C12orf50: variants seen among roughly 807,000 people sequenced by gnomAD.
C12orf50 encodes uncharacterized protein C12orf50.
Under a neutral mutation model 61.6 loss-of-function variants are expected in C12orf50, and 35 were observed. The observed-to-expected ratio is 0.57, with a 90% CI of 0.43 to 0.75. C12orf50 has a LOEUF of 0.75. C12orf50 is among the 30% of genes least tolerant of loss of function. The pLI, the probability that C12orf50 is intolerant of heterozygous loss-of-function variation, is 0.00. For missense variants in C12orf50, 475 were observed against 488.5 expected (o/e 0.97, Z 0.26); for synonymous variants, 178 against 161.5 (o/e 1.10, Z -0.77).
At chr12:88,007,843 T>C (rs2031944145) in intron 3 of C12orf50, among the ~76,000 whole-genome samples, 1 of 152,136 alleles carries the variant, frequency 6.6e-6, no homozygotes, top group South Asian at 2.1e-4. Context: ...TTTTAATAAA[T>C]TAAATGCCAG....
rs1195936712 is a variant in C12orf50 at position 87,986,416 on chromosome 12, A to C, written c.818T>G (p.Met273Arg). The C allele has an allele frequency of 1.3e-6, 2 of 1,591,816 alleles. No homozygotes were observed. Among genetic ancestry groups the C allele is most frequent in the South Asian group, 1.1e-5 (1 of 86,974 alleles). The change falls in exon 10 of 13, where the codon ATG becomes AGG. Residue 273 changes from methionine (M) to arginine (R), a missense_variant and splice_region_variant. Transcript: ENST00000298699. Reference protein sequence around the residue: ...SMKCREDPSSMNDVQPVKKPH... With the variant: ...SMKCREDPSSRNDVQPVKKPH... ...CTTCTTCACTGGCTGGACATCATTC[A>C]CTTAGAAAAGATACAAATTTTACAA...
At chr12:88,016,256 G>T (rs2032307338) in intron 3 of C12orf50, among the ~76,000 whole-genome samples, 1 of 152,288 alleles carries the variant, frequency 6.6e-6, no homozygotes, top group East Asian at 1.9e-4. Context: ...GTTACAGTTT[G>T]CTATGAAATG....
chr12:88,028,948 A>T, intron 1 of C12orf50: 1 of 381,166 alleles, frequency 2.6e-6, no homozygotes, highest in South Asian at 3.2e-5. Context: ...TTACAAATAT[A>T]AGATATCTTG....
At chr12:88,029,798 A>C (rs1347092647), upstream of C12orf50, among the ~76,000 whole-genome samples, 1 of 152,148 alleles carries the variant, frequency 6.6e-6, no homozygotes. Context: ...CTATCCATTG[A>C]TTTGGGAAAA....
At chr12:87,986,198 C>T (rs2136404597) in intron 10 of C12orf50, 114 bp downstream of exon 10, 3 of 1,225,684 alleles carry the variant, frequency 2.4e-6, no homozygotes, top group Non-Finnish European at 3.4e-6. Flanking sequence ...GAGTTGACCC[C>T]TAAAGTAACA....
In C12orf50 at chr12:87,994,716, A is replaced by G; in HGVS notation, c.509T>C (p.Leu170Pro). 6.2e-7 allele frequency: 1 copy of G among 1,612,922 alleles called. No individual in the cohort carries two copies. Among genetic ancestry groups the G allele is most frequent in the Non-Finnish European group, 8.5e-7 (1 of 1,179,212 alleles). ...TTCACCTTGCCTTTCATATTGGCTAAGTTTTGTCGGAACTGTAAGACTATC... is the reference window on the plus strand; with the variant it reads ...TTCACCTTGCCTTTCATATTGGCTAGGTTTTGTCGGAACTGTAAGACTATC... The part of the protein sequence containing the change: ...EGDSLTVPTK[L>P]SQYERQGEIK... The change falls in exon 7 of 13, where the codon CTT (leucine) becomes CCT (proline). Residue 170 changes from leucine (L) to proline (P), a missense_variant. By Grantham distance (98) the Leu-to-Pro change is moderately conservative. Transcript: ENST00000298699.
rs973223279 is a variant in C12orf50, at chr12:87,986,051, C to G, written c.925G>C (p.Val309Leu). The G allele has an allele frequency of 1.2e-6, 2 of 1,613,326 alleles. No individual in the cohort carries two copies. Among genetic ancestry groups the G allele is most frequent in the African/African-American group, 2.7e-5 (2 of 74,842 alleles). Residue 309 changes from valine (V) to leucine (L), a missense_variant and splice_region_variant, in exon 11 of 13, where the codon GTA becomes CTA. By Grantham distance (32) the Val-to-Leu change is conservative. Transcript: ENST00000298699. ...NFPNSGMQRA[V>L]QAPRPQNKMS... Reference sequence around the variant, plus strand: ...TTATTTTGGGGTCTTGGGGCCTGTACTGCTGTAAAGAAAGGTGGGAGGGAG... The same window carrying G: ...TTATTTTGGGGTCTTGGGGCCTGTAGTGCTGTAAAGAAAGGTGGGAGGGAG...
chr12:87,989,209 C>T (rs1056337537), intron 8 of C12orf50, 55 bp downstream of exon 8: 4 of 1,277,722 alleles, frequency 3.1e-6, no homozygotes, highest in Admixed American at 4.0e-5. Context: ...GCAAGCTTGT[C>T]TTTAACTTGC....
chr12:88,010,261 T>G (rs1029083438), intron 3 of C12orf50, among the ~76,000 whole-genome samples: 7 of 151,894 alleles, frequency 4.6e-5, no homozygotes, highest in Admixed American at 3.3e-4. Flanking sequence ...GTTCTATTAT[T>G]TTGCTCTTCT....
intron 3 of C12orf50, among the ~76,000 whole-genome samples, chr12:88,026,079 A>G (rs889508501): frequency 6.6e-6 from 1 of 152,150 alleles, no homozygotes; most frequent in African/African-American, 2.4e-5. Context: ...TGTAACCCAG[A>G]TCCTGCCCTT....
intron 3 of C12orf50, among the ~76,000 whole-genome samples, chr12:88,016,052 G>A (rs372752359): frequency 5.7e-4 from 87 of 152,174 alleles, no homozygotes; most frequent in African/African-American, 2.0e-3. Context: ...GAACACAGCC[G>A]GTGATTTAGA....
chr12:87,990,164 G>C (rs1206255116), intron 7 of C12orf50, among the ~76,000 whole-genome samples: 2 of 152,030 alleles, frequency 1.3e-5, no homozygotes, highest in Non-Finnish European at 2.9e-5. Context: ...TTAATGTTTT[G>C]TACCTAAATG....
At chr12:87,991,671 A>G (rs1472108355) in intron 7 of C12orf50, among the ~76,000 whole-genome samples, 1 of 152,220 alleles carries the variant, frequency 6.6e-6, no homozygotes, top group Non-Finnish European at 1.5e-5. Flanking sequence ...TCAAGGAAAT[A>G]CAAATTAAAA....
intron 3 of C12orf50, among the ~76,000 whole-genome samples, chr12:88,026,193 C>G (rs1323412543): frequency 1.3e-5 from 2 of 152,134 alleles, no homozygotes; most frequent in Admixed American, 6.6e-5. Context: ...TGCTGAGACA[C>G]AGCCTCCTTC....
Position 87,994,757 on chromosome 12 carries a change from GAA to G in C12orf50, c.482-16_482-15del. The G allele has an allele frequency of 6.5e-7, 1 of 1,527,010 alleles. No individual in the cohort carries two copies. Among genetic ancestry groups the G allele is most frequent in the Non-Finnish European group, 9.0e-7 (1 of 1,116,162 alleles). The allele number at this position is 1,527,010 out of a possible 1,614,324, so 94.6% of individuals were successfully genotyped here. ...TAAGACTATCTCCTAGAAATAAGAA[GAA>G]AAAAAAGTCACCCCAGAAATTATTA... On this transcript the variant is annotated splice_polypyrimidine_tract_variant and intron_variant, in intron 6 of 12. Transcript: ENST00000298699.
intron 3 of C12orf50, among the ~76,000 whole-genome samples, chr12:88,010,809 T>C (rs956321336): frequency 1.3e-5 from 2 of 152,040 alleles, no homozygotes; most frequent in Non-Finnish European, 2.9e-5. Flanking sequence ...ATAATTCAAG[T>C]GCATTACTTG....
At chr12:88,005,199 A>G (rs117504780) in intron 3 of C12orf50, among the ~76,000 whole-genome samples, 2,243 of 152,338 alleles carry the variant, frequency 0.015, 27 homozygotes, top group Admixed American at 0.026. Flanking sequence ...AATACATTGT[A>G]GCAACTCTGA....
At chr12:87,980,629 G>T (rs893029050) in intron 12 of C12orf50, among the ~76,000 whole-genome samples, 2 of 152,046 alleles carry the variant, frequency 1.3e-5, no homozygotes, top group Non-Finnish European at 2.9e-5. Flanking sequence ...CAGAACGAAG[G>T]CTCCATCATA....
At chr12:88,002,254 T>C (rs975842471) in intron 3 of C12orf50, among the ~76,000 whole-genome samples, 3 of 151,832 alleles carry the variant, frequency 2.0e-5, no homozygotes, top group African/African-American at 7.2e-5. Flanking sequence ...ATTTCTTGGT[T>C]ATTTACATGT....
Sources: allele counts gnomAD v4.1 joint callset (sites outside exome capture counted in the v4.1 genomes callset), GRCh38; gene constraint gnomAD v4.1.1; transcripts MANE v1.5; gene names NCBI Gene and HGNC (gene_info 2026-07-23, HGNC 2026-07-21).